STXBP5L: variants seen among roughly 807,000 people sequenced by gnomAD.
STXBP5L encodes syntaxin-binding protein 5-like.
In STXBP5L, 65 loss-of-function variants were observed where a neutral mutation model predicts 144.5. The ratio of observed to expected loss-of-function variants is 0.45; its 90% confidence interval spans 0.37 to 0.55. The LOEUF (loss-of-function observed/expected upper bound fraction) is 0.55, where lower values mean the gene tolerates loss of function less well. STXBP5L is among the 20% of genes least tolerant of loss of function. STXBP5L has a pLI of 0.00. For synonymous variants in STXBP5L, 505 were observed against 469.6 expected (o/e 1.08, Z -0.97); for missense variants, 1,298 against 1,405.5 (o/e 0.92, Z 1.22).
chr3:121,076,435 T>C (rs2042021400), intron 5 of STXBP5L, among the ~76,000 whole-genome samples: 1 of 152,198 alleles, frequency 6.6e-6, no homozygotes, highest in Non-Finnish European at 1.5e-5. Context: ...CTTTTTCTGA[T>C]GCCTTGCAGT....
intron 3 of STXBP5L, among the ~76,000 whole-genome samples, chr3:121,036,601 T>A (rs890614197): frequency 6.6e-6 from 1 of 152,116 alleles, no homozygotes; most frequent in African/African-American, 2.4e-5. Context: ...CTGTTAAGAA[T>A]AATGTACAAA....
chr3:121,044,556 G>A (rs1352207549), intron 4 of STXBP5L, among the ~76,000 whole-genome samples: 3 of 152,144 alleles, frequency 2.0e-5, no homozygotes, highest in African/African-American at 7.2e-5. Context: ...GGTTCTGAAA[G>A]ATCACTCTTA....
chr3:120,995,080 A>T (rs2107998104), intron 3 of STXBP5L, among the ~76,000 whole-genome samples: 1 of 152,226 alleles, frequency 6.6e-6, no homozygotes, highest in East Asian at 1.9e-4. Context: ...ATTTACCATT[A>T]AGGTAATTAT....
chr3:120,927,832 T>C (rs1709717024), intron 2 of STXBP5L, among the ~76,000 whole-genome samples: 1 of 152,208 alleles, frequency 6.6e-6, no homozygotes, highest in Admixed American at 6.5e-5. Context: ...TTTTGGAACC[T>C]GTAGTCTCCC....
At chr3:121,284,624 G>A (rs1409398577) in intron 19 of STXBP5L, among the ~76,000 whole-genome samples, 1 of 152,106 alleles carries the variant, frequency 6.6e-6, no homozygotes, top group African/African-American at 2.4e-5. Context: ...GATGTCAGTA[G>A]GATAGAGCAT....
intron 10 of STXBP5L, among the ~76,000 whole-genome samples, chr3:121,220,015 T>C (rs1278790359): frequency 6.6e-6 from 1 of 152,152 alleles, no homozygotes; most frequent in Non-Finnish European, 1.5e-5. Flanking sequence ...TCTTTTGGTG[T>C]ACAGTTTCAT....
chr3:120,943,315 C>G (rs1710664791), intron 2 of STXBP5L, among the ~76,000 whole-genome samples: 1 of 151,658 alleles, frequency 6.6e-6, no homozygotes, highest in Non-Finnish European at 1.5e-5. Flanking sequence ...TTAGAGACAA[C>G]ATTTGCAAAG....
chr3:121,409,876 C>T (rs1249090065), intron 23 of STXBP5L, among the ~76,000 whole-genome samples: 1 of 151,082 alleles, frequency 6.6e-6, no homozygotes, highest in African/African-American at 2.4e-5. Flanking sequence ...ATTGATTATT[C>T]TTTCAGGAAA....
At chr3:121,170,959 C>T (rs9818754) in intron 9 of STXBP5L, among the ~76,000 whole-genome samples, 2 of 152,154 alleles carry the variant, frequency 1.3e-5, no homozygotes, top group South Asian at 2.1e-4. Flanking sequence ...ACTGGTAAAC[C>T]GAATCCAGCA....
At position 120,990,563 on chromosome 3, in the gene STXBP5L, C is replaced by T. The variant is rs540263431; in HGVS notation, c.287+35526C>T. 2.5e-3 allele frequency among the ~76,000 whole-genome samples: 379 copies of T among 152,242 alleles called. 1 individual carries two copies. The highest frequency in any genetic ancestry group is 8.6e-3 in the African/African-American group (356 of 41,514). Reference sequence around the variant, plus strand: ...CGCTACCTGACTTCAAACTATACTACAAGGCTACAGTAACCAAAACAGCAT... The same window carrying T: ...CGCTACCTGACTTCAAACTATACTATAAGGCTACAGTAACCAAAACAGCAT... On this transcript the variant is annotated intron_variant, in intron 3 of 26. Coordinates refer to ENST00000471454, the MANE Select transcript of STXBP5L (RefSeq NM_001308330.2).
intron 14 of STXBP5L, among the ~76,000 whole-genome samples, chr3:121,246,662 C>T (rs2049863022): frequency 6.6e-6 from 1 of 152,010 alleles, no homozygotes; most frequent in South Asian, 2.1e-4. Flanking sequence ...TTATTTGTAA[C>T]AGCCAAAAAC....
At chr3:121,081,944 T>C (rs2042266164) in intron 5 of STXBP5L, among the ~76,000 whole-genome samples, 1 of 152,196 alleles carries the variant, frequency 6.6e-6, no homozygotes, top group South Asian at 2.1e-4. Context: ...TATGGGTCTA[T>C]TTCAAGATTC....
intron 19 of STXBP5L, among the ~76,000 whole-genome samples, chr3:121,304,525 G>A (rs1333079129): frequency 1.3e-5 from 2 of 151,880 alleles, no homozygotes; most frequent in Non-Finnish European, 2.9e-5. Flanking sequence ...TGTGTTCTCT[G>A]GCCACAAAAG....
chr3:121,334,058 G>T (rs1356334061), intron 20 of STXBP5L, among the ~76,000 whole-genome samples: 1 of 152,036 alleles, frequency 6.6e-6, no homozygotes, highest in Admixed American at 6.6e-5. Flanking sequence ...GTTTTATAAG[G>T]AGAAACCCCT....
At chr3:120,999,571 T>G (rs1943610064) in intron 3 of STXBP5L, among the ~76,000 whole-genome samples, 1 of 152,220 alleles carries the variant, frequency 6.6e-6, no homozygotes, top group African/African-American at 2.4e-5. Context: ...CCCATTTATG[T>G]TCAAGATTAA....
chr3:121,386,828 A>C (rs1434485136), intron 22 of STXBP5L, among the ~76,000 whole-genome samples: 3 of 152,172 alleles, frequency 2.0e-5, no homozygotes, highest in African/African-American at 7.2e-5. Context: ...GGTTGGTTCC[A>C]AGTCTTTGCT....
chr3:121,148,553 T>C (rs776614810), intron 7 of STXBP5L, among the ~76,000 whole-genome samples: 11 of 152,116 alleles, frequency 7.2e-5, no homozygotes, highest in Non-Finnish European at 1.2e-4. Flanking sequence ...TTTTTCCTCC[T>C]GAAATGATAA....
At chr3:121,050,863 A>G (rs938664098) in intron 5 of STXBP5L, among the ~76,000 whole-genome samples, 5 of 152,224 alleles carry the variant, frequency 3.3e-5, no homozygotes, top group Non-Finnish European at 7.3e-5. Flanking sequence ...AGACACACAT[A>G]GGCTCAAAAT....
intron 3 of STXBP5L, among the ~76,000 whole-genome samples, chr3:120,989,527 CA>C (rs1559961338): frequency 1.3e-5 from 2 of 152,050 alleles, no homozygotes; most frequent in African/African-American, 4.8e-5. Context: ...GTAGATTCTG[CA>C]TGTGACTTAA....
Sources: allele counts gnomAD v4.1 joint callset (sites outside exome capture counted in the v4.1 genomes callset), GRCh38; gene constraint gnomAD v4.1.1; transcripts MANE v1.5; gene names NCBI Gene and HGNC (gene_info 2026-07-23, HGNC 2026-07-21).